The following TMEM240 variants were observed in gnomAD, a reference collection of about 807,000 sequenced individuals.
The protein encoded by TMEM240 is transmembrane protein C1orf70.
TMEM240 carries 3 observed loss-of-function variants against 19.5 expected under a neutral mutation model. That is an observed-to-expected ratio of 0.15 (90% CI 0.07 to 0.40). The LOEUF is 0.40. Ranked by LOEUF, TMEM240 falls within the 10% of genes least tolerant of loss-of-function variation. The pLI is 1.00. For synonymous variants in TMEM240, 123 were observed against 109.3 expected, an observed-to-expected ratio of 1.13 and a Z score of -0.78; for missense variants, 210 against 253.5, an observed-to-expected ratio of 0.83 and a Z score of 1.17.
rs185123391 is a variant in TMEM240 at position 1,536,934 on chromosome 1, G to A, written c.165-1137C>T. Among the ~76,000 whole-genome samples, 36 of 152,036 alleles carry A rather than the reference G, an allele frequency of 2.4e-4. No homozygotes were observed. The highest frequency in any genetic ancestry group is 1.9e-3 in the East Asian group (10 of 5,162). Reference sequence around the variant, plus strand: ...TCTCCCCCACCTTCCCCTCGGTGACGTAGCAGCGCCTCAGCCTGGTTTTCA... The same window carrying A: ...TCTCCCCCACCTTCCCCTCGGTGACATAGCAGCGCCTCAGCCTGGTTTTCA... On this transcript the variant is annotated intron_variant, in intron 2 of 3. Transcript: ENST00000378733. The surrounding 1 kb of genome is among the most constrained non-coding windows in gnomAD (Gnocchi z 5.4).
intron 2 of TMEM240, among the ~76,000 whole-genome samples, chr1:1,538,787 A>G (rs1571149): frequency 0.52 from 79,105 of 152,176 alleles, 25,028 homozygotes; most frequent in East Asian, 0.86. Flanking sequence ...CACATGCCCC[A>G]CACCCACACG....
intron 2 of TMEM240, among the ~76,000 whole-genome samples, chr1:1,538,252 G>A (rs868638550): frequency 1.3e-5 from 2 of 152,350 alleles, no homozygotes; most frequent in Middle Eastern, 6.8e-3. Context: ...TGTGAACAGA[G>A]CATAGATACA....
chr1:1,539,439 A>G (rs1642267696), intron 2 of TMEM240: 1 of 544,858 alleles, frequency 1.8e-6, no homozygotes. Context: ...TCCAGGCTGG[A>G]CCAGGAGGCC....
rs1157354883 is a variant in TMEM240, at chr1:1,534,956, A to G, written c.*403T>C. On this transcript the variant is annotated 3_prime_UTR_variant, in exon 4 of 4. Transcript: ENST00000378733. The stretch of plus-strand genomic sequence containing the variant: ...CCCTCCGCCCAAGCTGGCTGGGGCC[A>G]GACAGACGGTGGACGCAGCGCACGG... Among the ~76,000 whole-genome samples the G allele has an allele frequency of 8.1e-6, 1 of 123,350 alleles. No individual in the cohort carries two copies. Among genetic ancestry groups the G allele is most frequent in the Non-Finnish European group, 1.6e-5 (1 of 62,688 alleles). The allele number at this position is 123,350 out of a possible 152,430, so 80.9% of individuals were successfully genotyped here.
chr1:1,538,831 G>A (rs1642259429), intron 2 of TMEM240, among the ~76,000 whole-genome samples: 1 of 152,232 alleles, frequency 6.6e-6, no homozygotes, highest in African/African-American at 2.4e-5. Context: ...GGAGGCAGCA[G>A]AGATGACGAA....
At position 1,539,605 on chromosome 1, in the gene TMEM240, T is replaced by G. The variant is rs1030581805; in HGVS notation, c.164+79A>C. The G allele has an allele frequency of 6.6e-5, 84 of 1,281,298 alleles. No homozygotes were observed. In the Admixed American group the frequency reaches 1.7e-3, roughly 25 times the overall value. The allele number at this position is 1,281,298 out of a possible 1,614,324, so 79.4% of individuals were successfully genotyped here. A position where few individuals can be genotyped will look rare whatever the true frequency, so the allele number is the denominator to read the frequency against. ...AGGCGGCTCGCGGCCTGCGTGGGGC[T>G]GGTTCCCCCGCGCCCCGAGTGGGCC... On this transcript the variant is annotated intron_variant, in intron 2 of 3. Transcript: ENST00000378733.
chr1:1,538,223 C>T (rs371509818), intron 2 of TMEM240, among the ~76,000 whole-genome samples: 8 of 152,228 alleles, frequency 5.3e-5, no homozygotes, highest in Non-Finnish European at 1.0e-4. Flanking sequence ...GCTGAACGTA[C>T]ATATCCTGTA....
rs1642228284 is a variant in TMEM240 at position 1,536,692 on chromosome 1, T to G, written c.165-895A>C. The stretch of plus-strand genomic sequence containing the variant: ...CAGGAAGGTCTCCGGGCCTTGACTC[T>G]GCCGATCGGACTGGCATCCCAGACA... On this transcript the variant is annotated intron_variant, in intron 2 of 3. Coordinates refer to ENST00000378733, the MANE Select transcript of TMEM240 (RefSeq NM_001114748.2). The surrounding 1 kb of genome is among the most constrained non-coding windows in gnomAD (Gnocchi z 5.4). Among the ~76,000 whole-genome samples the G allele has an allele frequency of 6.6e-6, 1 of 152,080 alleles. No homozygotes were observed. The highest frequency in any genetic ancestry group is 1.5e-5 in the Non-Finnish European group (1 of 67,982).
intron 1 of TMEM240, among the ~76,000 whole-genome samples, chr1:1,540,051 G>T (rs866289308): frequency 3.0e-5 from 3 of 99,856 alleles, no homozygotes; most frequent in South Asian, 7.8e-4. Flanking sequence ...AGGCCGGGGT[G>T]GGGGGAGCGT....
chr1:1,537,873 G>A (rs1043479546), intron 2 of TMEM240, among the ~76,000 whole-genome samples: 1 of 152,206 alleles, frequency 6.6e-6, no homozygotes. Context: ...GTGCATGGAC[G>A]GATGTCTAGT....
rs563451973 is a variant in TMEM240 at position 1,538,802 on chromosome 1, CA to C, written c.164+881del. 8.2e-4 allele frequency among the ~76,000 whole-genome samples: 125 copies of C among 152,356 alleles called. 1 individual carries two copies. The highest frequency in any genetic ancestry group is 1.4e-3 in the Non-Finnish European group (97 of 68,038). Reference sequence around the variant, plus strand: ...CACATGCCCCACACCCACACGTATGCACAGAGACCCCCGGAGCAGGAGGCAG... The same window carrying C: ...CACATGCCCCACACCCACACGTATGCCAGAGACCCCCGGAGCAGGAGGCAG... On this transcript the variant is annotated intron_variant, in intron 2 of 3. Transcript: ENST00000378733.
Position 1,537,504 on chromosome 1 carries a change from A to G in TMEM240, c.165-1707T>C, listed in dbSNP as rs189930094. ...GAGGTCACAGCCTGTGTCCCCCACC[A>G]TGGCTGGCCTGGGTACCTGTAGCTC... On this transcript the variant is annotated intron_variant, in intron 2 of 3. Transcript: ENST00000378733. Among the ~76,000 whole-genome samples, 628 of 152,038 alleles carry G rather than the reference A, an allele frequency of 4.1e-3. 4 individuals are homozygous for G. Among genetic ancestry groups the G allele is most frequent in the African/African-American group, 0.014 (601 of 41,480 alleles).
In TMEM240 at chr1:1,535,525, C is replaced by T. The variant is rs770496430; in HGVS notation, c.374-18G>A. ...CGAGCCATCTGCGGGGGGACAGGGG[C>T]GGTCAGGCGGCTGGGGCCGGCCAGG... On this transcript the variant is annotated intron_variant, in intron 3 of 3. Coordinates refer to ENST00000378733, the MANE Select transcript of TMEM240 (RefSeq NM_001114748.2). This position sits in a 1 kb window ranked among gnomAD's most constrained non-coding sequence, Gnocchi z 8.2. The T allele has an allele frequency of 5.1e-5, 78 of 1,538,266 alleles. No homozygotes were observed. The highest frequency in any genetic ancestry group is 1.0e-4 in the Admixed American group (5 of 49,406).
intron 2 of TMEM240, chr1:1,538,911 A>T (rs145494838): frequency 6.6e-6 from 1 of 152,298 alleles, no homozygotes; most frequent in East Asian, 1.9e-4. Flanking sequence ...CTGTCCTCTA[A>T]ATCCTCCGTC....
chr1:1,540,301 A>G lies in TMEM240; in HGVS notation c.46T>C (p.Ser16Pro). The G allele has an allele frequency of 7.5e-7, 1 of 1,336,414 alleles. No homozygotes were observed. 82.8% of individuals were successfully genotyped at this position (1,336,414 alleles called of 1,614,324 possible). The change falls in exon 1 of 4, where the codon TCG becomes CCG. Residue 16 changes from serine (S) to proline (P), a missense_variant. Transcript: ENST00000378733. ...NTMIFMILGA[S>P]VVMAIACLMD... ...GCCCCTCCGCTCACCATCACGACCG[A>G]CGCCCCCAGAATCATGAAGATCATG...
chr1:1,540,246 C>T, intron 1 of TMEM240, 44 bp downstream of exon 1: 3 of 996,754 alleles, frequency 3.0e-6, no homozygotes, highest in East Asian at 9.0e-5. Context: ...GCGGCGCGCG[C>T]GGGCGGGGAG....
rs553883626 is a variant in TMEM240 at position 1,535,589 on chromosome 1, C to T, written c.373G>A (p.Asp125Asn). 28 of 1,548,828 alleles carry T rather than the reference C, an allele frequency of 1.8e-5. No individual in the cohort carries two copies. Among genetic ancestry groups the T allele is most frequent in the Middle Eastern group, 1.7e-4 (1 of 5,988 alleles). ...VRAWRAGRRYDGSWTWLPKLC... is the reference protein window; with the variant it reads ...VRAWRAGRRYNGSWTWLPKLC... ...CGGGCGGCGGGCACGAGGCACTCAC[C>T]GTAGCGCCGTCCGGCTCTCCAGGCG... The change falls in exon 3 of 4, where the codon GAT (aspartate) becomes AAT (asparagine). Residue 125 changes from aspartate (D) to asparagine (N), a missense_variant and splice_region_variant. This residue lies in a region of TMEM240 where 157 missense variants were observed against 168.2 expected (regional missense o/e 0.93). Transcript: ENST00000378733. The surrounding 1 kb of genome is among the most constrained non-coding windows in gnomAD (Gnocchi z 8.2).
In TMEM240 at chr1:1,535,234, A is replaced by T; in HGVS notation, c.*125T>A. 1 of 943,448 alleles carries T rather than the reference A, an allele frequency of 1.1e-6. No individual in the cohort carries two copies. The highest frequency in any genetic ancestry group is 1.4e-6 in the Non-Finnish European group (1 of 706,320). 58.4% of individuals were successfully genotyped at this position (943,448 alleles called of 1,614,324 possible). On this transcript the variant is annotated 3_prime_UTR_variant, in exon 4 of 4. Transcript: ENST00000378733. The surrounding 1 kb of genome is among the most constrained non-coding windows in gnomAD (Gnocchi z 8.2). ...TTCCACTGGACTCTCCCGGCCGGCC[A>T]CAGCCCCGGACAACCTGGGCCCAGG...
chr1:1,540,395 C>CCCCCGG lies in TMEM240; in HGVS notation c.-55_-50dup, dbSNP rs1239512242. 6.5e-6 allele frequency: 6 copies of CCCCCGG among 917,038 alleles called. No homozygotes were observed. The highest frequency in any genetic ancestry group is 6.8e-6 in the Non-Finnish European group (5 of 732,490). The allele number at this position is 917,038 out of a possible 1,614,324, so 56.8% of individuals were successfully genotyped here. A position where few individuals can be genotyped will look rare whatever the true frequency, so the allele number is the denominator to read the frequency against. ...AGCGCCGCCCCCCGGCCCCGGCGCC[C>CCCCCGG]CCCCGGCCCCGGCCCGATGCTGAGC... On this transcript the variant is annotated 5_prime_UTR_variant, in exon 1 of 4. Coordinates refer to ENST00000378733, the MANE Select transcript of TMEM240 (RefSeq NM_001114748.2).
Sources: allele counts gnomAD v4.1 joint callset (sites outside exome capture counted in the v4.1 genomes callset), GRCh38; gene constraint gnomAD v4.1.1; regional missense constraint gnomAD v4.1.1; non-coding constraint Gnocchi (gnomAD v3.1); transcripts MANE v1.5; gene names NCBI Gene and HGNC (gene_info 2026-07-23, HGNC 2026-07-21).